Variants in FANCI observed in about 807,000 individuals in gnomAD.
FANCI encodes FA complementation group I.
Under a neutral mutation model 176.1 loss-of-function variants are expected in FANCI, and 156 were observed. The observed-to-expected ratio is 0.89, with a 90% CI of 0.78 to 1.01. FANCI has a LOEUF of 1.01. Ranked by LOEUF, FANCI falls within the 50% of genes least tolerant of loss-of-function variation. The pLI is 0.00. For synonymous variants in FANCI, 613 were observed against 541.7 expected (o/e 1.13, Z -1.83); for missense variants, 1,678 against 1,534.1 (o/e 1.09, Z -1.57).
intron 34 of FANCI, among the ~76,000 whole-genome samples, chr15:89,311,486 G>C (rs1359804465): frequency 6.6e-6 from 1 of 152,174 alleles, no homozygotes; most frequent in East Asian, 1.9e-4. Flanking sequence ...GAATGGGCAG[G>C]GAACAGGGTT....
At chr15:89,294,040 G>T in intron 23 of FANCI, 43 bp downstream of exon 23, 1 of 1,604,430 alleles carries the variant, frequency 6.2e-7, no homozygotes, top group Non-Finnish European at 8.5e-7. Context: ...ACTCCCTGAG[G>T]ATCGTATACC....
rs565518324 is a variant in FANCI at position 89,312,787 on chromosome 15, C to A, written c.3652-117C>A. 95 of 786,902 alleles carry A rather than the reference C, an allele frequency of 1.2e-4. 1 individual carries two copies. The South Asian group carries it at 1.5e-3, about 12-fold the overall frequency. 48.7% of individuals were successfully genotyped at this position (786,902 alleles called of 1,614,324 possible). A position where few individuals can be genotyped will look rare whatever the true frequency, so the allele number is the denominator to read the frequency against. On this transcript the variant is annotated intron_variant, in intron 34 of 37. Transcript: ENST00000310775. Reference sequence around the variant, plus strand: ...TGGGTCGACATCACGCCACTGCACACCAGCCTGGGTGACAGCAAAGCTCTG... The same window carrying A: ...TGGGTCGACATCACGCCACTGCACAACAGCCTGGGTGACAGCAAAGCTCTG...
At chr15:89,264,632 A>C (rs761453982) in intron 9 of FANCI, 25 bp downstream of exon 9, 2 of 1,583,232 alleles carry the variant, frequency 1.3e-6, no homozygotes, top group Admixed American at 3.3e-5. Context: ...GTAGAAATAA[A>C]GATCATTTTT....
chr15:89,293,876 A>G lies in FANCI; in HGVS notation c.2335A>G (p.Lys779Glu). 6.2e-7 allele frequency: 1 copy of G among 1,614,146 alleles called. No homozygotes were observed. Among genetic ancestry groups the G allele is most frequent in the Non-Finnish European group, 8.5e-7 (1 of 1,180,006 alleles). The change falls in exon 23 of 38, where the codon AAA becomes GAA. Residue 779 changes from lysine (K) to glutamate (E), a missense_variant. This residue lies in a region of FANCI where 1,204 missense variants were observed against 1,077.4 expected (regional missense o/e 1.12). Transcript: ENST00000310775. ...CATTCTGAGCTTATTTATGTGTTAC[A>G]AAAAACTCTCTGACATTCTTAATGA... ...EDILSLFMCY[K>E]KLSDILNEKA...
Position 89,307,657 on chromosome 15 carries a change from C to A in FANCI, c.3636C>A (p.Phe1212Leu). Residue 1212 changes from phenylalanine to leucine, a missense_variant, in exon 34 of 38, where the codon TTC (phenylalanine) becomes TTA (leucine). By Grantham distance (22) the Phe-to-Leu change is conservative. Coordinates refer to ENST00000310775, the MANE Select transcript of FANCI (RefSeq NM_001113378.2). Reference sequence around the variant, plus strand: ...ATCTGACCCCCCTGTGTTATTCTTTCATTTCTTACGTACAGGTAAGAGATT... The same window carrying A: ...ATCTGACCCCCCTGTGTTATTCTTTAATTTCTTACGTACAGGTAAGAGATT... ...GSHLTPLCYS[F>L]ISYVQNKSKS... The A allele has an allele frequency of 1.2e-6, 2 of 1,614,136 alleles. No individual in the cohort carries two copies. The highest frequency in any genetic ancestry group is 1.7e-6 in the Non-Finnish European group (2 of 1,180,014).
intron 3 of FANCI, 75 bp from the exon 4 acceptor site, chr15:89,260,638 A>C: frequency 6.3e-7 from 1 of 1,577,032 alleles, no homozygotes; most frequent in Non-Finnish European, 8.7e-7. Flanking sequence ...ATTTAACTAC[A>C]AACCTGTTCG....
chr15:89,264,052 T>G (rs769002011), intron 8 of FANCI, 26 bp downstream of exon 8: 1 of 1,613,784 alleles, frequency 6.2e-7, no homozygotes, highest in East Asian at 2.2e-5. Context: ...TGTTTCTCCT[T>G]AGTTCTGGTG....
At chr15:89,284,514 T>G (rs2151601038) in intron 17 of FANCI, among the ~76,000 whole-genome samples, 1 of 152,330 alleles carries the variant, frequency 6.6e-6, no homozygotes, top group Middle Eastern at 3.4e-3. Flanking sequence ...GTTAAATAAC[T>G]TGCCCAAGGT....
intron 12 of FANCI, among the ~76,000 whole-genome samples, chr15:89,276,468 C>T (rs1394912413): frequency 6.6e-6 from 1 of 152,114 alleles, no homozygotes; most frequent in African/African-American, 2.4e-5. Flanking sequence ...TTTTAATACT[C>T]TCTAGCTTCT....
chr15:89,269,468 T>G (rs1387530085), intron 10 of FANCI, among the ~76,000 whole-genome samples: 14 of 152,342 alleles, frequency 9.2e-5, no homozygotes, highest in Admixed American at 5.9e-4. Context: ...TGTTCTTTCT[T>G]TCTAGTTTTA....
At chr15:89,297,467 C>T (rs2054344068) in intron 24 of FANCI, among the ~76,000 whole-genome samples, 1 of 152,108 alleles carries the variant, frequency 6.6e-6, no homozygotes, top group Non-Finnish European at 1.5e-5. Context: ...CCAGCCTGGG[C>T]ACCATTGAGC....
At chr15:89,317,221 T>C (rs568031019), downstream of FANCI, 2 of 692,062 alleles carry the variant, frequency 2.9e-6, no homozygotes, top group East Asian at 2.7e-5. Flanking sequence ...ACATTCACTC[T>C]GGACACAGGG....
chr15:89,314,834 TC>T (rs1292843051), intron 36 of FANCI, 127 bp downstream of exon 36: 9 of 350,576 alleles, frequency 2.6e-5, no homozygotes, highest in African/African-American at 1.5e-4. Context: ...CCATCCCCCC[TC>T]TCCCCCCCCC....
At chr15:89,273,341 T>C (rs763699645) in intron 10 of FANCI, 36 bp from the exon 11 acceptor site, 1 of 998,438 alleles carries the variant, frequency 1.0e-6, no homozygotes. Flanking sequence ...AAAGAAAATG[T>C]AAGTAAATGA....
chr15:89,262,785 A>G (rs2052769353), intron 6 of FANCI, among the ~76,000 whole-genome samples: 1 of 152,230 alleles, frequency 6.6e-6, no homozygotes, highest in Non-Finnish European at 1.5e-5. Context: ...ACAACTCTAC[A>G]TCATTCTTTT....
At chr15:89,300,191 T>G (rs2054475395) in intron 25 of FANCI, 109 bp from the exon 26 acceptor site, 1 of 1,195,624 alleles carries the variant, frequency 8.4e-7, no homozygotes, top group Non-Finnish European at 1.2e-6. Flanking sequence ...TTTTAGAAAT[T>G]TAAGTCTGCC....
At chr15:89,279,606 C>T (rs1390722487) in intron 14 of FANCI, among the ~76,000 whole-genome samples, 1 of 152,198 alleles carries the variant, frequency 6.6e-6, no homozygotes, top group African/African-American at 2.4e-5. Flanking sequence ...TAAGAGTCTG[C>T]TTCTTTTCCT....
At chr15:89,254,023 A>C (rs190731278) in intron 2 of FANCI, among the ~76,000 whole-genome samples, 1 of 152,056 alleles carries the variant, frequency 6.6e-6, no homozygotes, top group Non-Finnish European at 1.5e-5. Context: ...ATAAACATGC[A>C]TACATTTCCT....
Position 89,306,197 on chromosome 15 carries a change from G to A in FANCI, c.3537+3G>A. ...CACTTACAGCCCTTGTCAGATATGT[G>A]AGTATTTGAGACAAGCAGATTCGCC... On this transcript the variant is annotated splice_donor_region_variant and intron_variant, in intron 32 of 37. Transcript: ENST00000310775. 1 of 1,613,910 alleles carries A rather than the reference G, an allele frequency of 6.2e-7. No individual in the cohort carries two copies. Among genetic ancestry groups the A allele is most frequent in the Non-Finnish European group, 8.5e-7 (1 of 1,179,832 alleles).
Sources: gnomAD v4.1 joint callset for allele counts (sites outside exome capture counted in the v4.1 genomes callset) on GRCh38, gnomAD v4.1.1 for gene constraint, gnomAD v4.1.1 regional missense constraint, MANE v1.5 for transcripts, NCBI Gene and HGNC (gene_info 2026-07-23, HGNC 2026-07-21) for gene names.